TP53BP2: variants seen among roughly 807,000 people sequenced by gnomAD.
TP53BP2 encodes tumor protein p53 binding protein 2, also known as apoptosis-stimulating of p53 protein 2.
TP53BP2 carries 62 observed loss-of-function variants against 126.2 expected under a neutral mutation model. The ratio of observed to expected loss-of-function variants is 0.49; its 90% CI spans 0.40 to 0.61. The LOEUF is 0.61. Among genes scored for constraint, TP53BP2 ranks in the 20% least tolerant of loss-of-function variants. The pLI, the probability that TP53BP2 is intolerant of heterozygous loss-of-function variation, is 0.00. For synonymous variants in TP53BP2, 485 were observed against 502.9 expected (o/e 0.96, Z 0.48); for missense variants, 1,215 against 1,402.8 (o/e 0.87, Z 2.14).
chr1:223,783,240 G>C (rs1239531029), intron 17 of TP53BP2, among the ~76,000 whole-genome samples: 3 of 152,166 alleles, frequency 2.0e-5, no homozygotes, highest in African/African-American at 7.2e-5. Flanking sequence ...TGGGAGGCAG[G>C]ATTCTCCAGC....
intron 2 of TP53BP2, among the ~76,000 whole-genome samples, chr1:223,815,339 A>G (rs1193259350): frequency 6.6e-6 from 1 of 152,188 alleles, no homozygotes; most frequent in Non-Finnish European, 1.5e-5. Flanking sequence ...TAACATACTG[A>G]GTTGACATAG....
chr1:223,814,600 C>A (rs902086065), intron 2 of TP53BP2, among the ~76,000 whole-genome samples: 1 of 152,192 alleles, frequency 6.6e-6, no homozygotes. Flanking sequence ...AGGAGCTCAG[C>A]AGTCTAAATC....
chr1:223,789,994 A>G (rs1175969131), intron 15 of TP53BP2, among the ~76,000 whole-genome samples: 1 of 152,102 alleles, frequency 6.6e-6, no homozygotes, highest in African/African-American at 2.4e-5. Context: ...ACTTGAAAAA[A>G]AAATTTAGAC....
At chr1:223,798,745 C>T in intron 11 of TP53BP2, 68 bp from the exon 12 acceptor site, 1 of 1,279,778 alleles carries the variant, frequency 7.8e-7, no homozygotes, top group South Asian at 1.4e-5. Context: ...TTCTAGATAA[C>T]CTAATTTCAC....
Position 223,845,676 on chromosome 1 carries a change from C to T in TP53BP2, c.5G>A (p.Arg2Gln). 6.5e-7 allele frequency: 1 copy of T among 1,549,062 alleles called. No individual in the cohort carries two copies. MRFGSKMMPMFL... is the reference protein window; with the variant it reads MQFGSKMMPMFL... ...TACCGGCATCATCTTGGACCCGAAC[C>T]GCATGGAAGCGGGTGGCCAGACTGC... The change falls in exon 1 of 18, where the codon CGG becomes CAG. Residue 2 changes from arginine (R) to glutamine (Q), a missense_variant. By Grantham distance (43) the Arg-to-Gln change is conservative. Coordinates refer to ENST00000343537, the MANE Select transcript of TP53BP2 (RefSeq NM_001031685.3).
Position 223,789,140 on chromosome 1 carries a change from C to T in TP53BP2, c.3031G>A (p.Val1011Ile), listed in dbSNP as rs1329437700. Residue 1011 changes from valine to isoleucine, a missense_variant, in exon 16 of 18, where the codon GTC (valine) becomes ATC (isoleucine). Physicochemically the swap from Val to Ile is conservative, Grantham distance 29. This residue lies in a region of TP53BP2 where 151 missense variants were observed against 231.2 expected (regional missense o/e 0.65). Transcript: ENST00000343537. ...TCCACCAAAAACTTACACACTTGGA[C>T]GTTGTTACATGAGGCAGCACAATGT... ...PLHCAASCNN[V>I]QVCKFLVESG... The T allele has an allele frequency of 6.2e-6, 10 of 1,613,990 alleles. No homozygotes were observed. Among genetic ancestry groups the T allele is most frequent in the South Asian group, 2.2e-5 (2 of 91,082 alleles).
chr1:223,823,118 T>C (rs1663370617), intron 1 of TP53BP2, among the ~76,000 whole-genome samples: 1 of 152,100 alleles, frequency 6.6e-6, no homozygotes, highest in Non-Finnish European at 1.5e-5. Context: ...AAAAGCAGAA[T>C]AAGTAGGATA....
intron 2 of TP53BP2, among the ~76,000 whole-genome samples, chr1:223,818,577 A>T (rs28604925): frequency 1.3e-3 from 187 of 146,144 alleles, no homozygotes; most frequent in African/African-American, 2.0e-3. Context: ...TTAAAAAAAA[A>T]TTTTTTTTTT....
At chr1:223,795,784 G>A (rs748358636) in intron 13 of TP53BP2, 31 bp downstream of exon 13, 34 of 1,410,120 alleles carry the variant, frequency 2.4e-5, no homozygotes, top group Admixed American at 5.0e-5. Context: ...AAAGGACTCC[G>A]GAAAAGGCTA....
chr1:223,833,156 T>C (rs544542436), intron 1 of TP53BP2, among the ~76,000 whole-genome samples: 8 of 152,174 alleles, frequency 5.3e-5, no homozygotes, highest in Non-Finnish European at 1.0e-4. Context: ...CCAATTACCA[T>C]AAGTTATGTA....
rs776428652 is a variant in TP53BP2 at position 223,804,264 on chromosome 1, C to T, written c.559G>A (p.Glu187Lys). The T allele has an allele frequency of 6.2e-7, 1 of 1,614,102 alleles. No homozygotes were observed. The highest frequency in any genetic ancestry group is 8.5e-7 in the Non-Finnish European group (1 of 1,180,012). Residue 187 changes from glutamate to lysine, a missense_variant, in exon 6 of 18, where the codon GAA (glutamate) becomes AAA (lysine). Coordinates refer to ENST00000343537, the MANE Select transcript of TP53BP2 (RefSeq NM_001031685.3). ...TTAGCTTCCTGATTCTCAGCTATTTCTTTTAGCCTTTTAAGTTTCTCCTGC... is the reference window on the plus strand; with the variant it reads ...TTAGCTTCCTGATTCTCAGCTATTTTTTTTAGCCTTTTAAGTTTCTCCTGC... Reference protein sequence around the residue: ...AEQEKLKRLKEIAENQEAKLK... With the variant: ...AEQEKLKRLKKIAENQEAKLK...
intron 16 of TP53BP2, among the ~76,000 whole-genome samples, chr1:223,786,560 ATGTGTGTG>A (rs752458486): frequency 2.8e-5 from 4 of 145,430 alleles, no homozygotes; most frequent in Non-Finnish European, 4.5e-5. Context: ...CATTATATAT[ATGTGTGTG>A]TGTGCGTGTG....
At chr1:223,838,552 C>G (rs922929995) in intron 1 of TP53BP2, among the ~76,000 whole-genome samples, 1 of 152,244 alleles carries the variant, frequency 6.6e-6, no homozygotes, top group African/African-American at 2.4e-5. Context: ...CTGGAAATGG[C>G]TGAATGTCAC....
intron 17 of TP53BP2, among the ~76,000 whole-genome samples, chr1:223,783,879 AG>A (rs1478043976): frequency 6.6e-6 from 1 of 152,202 alleles, no homozygotes; most frequent in Non-Finnish European, 1.5e-5. Flanking sequence ...AGTTATCTTT[AG>A]TCTGTTTATA....
chr1:223,840,687 T>C (rs57380389), intron 1 of TP53BP2, among the ~76,000 whole-genome samples: 5,844 of 149,232 alleles, frequency 0.039, 366 homozygotes, highest in African/African-American at 0.14. Flanking sequence ...AAAGAAAGTT[T>C]TGTTTTATTG....
chr1:223,826,151 G>A (rs1663488502), intron 1 of TP53BP2: 1 of 152,238 alleles, frequency 6.6e-6, no homozygotes, highest in Non-Finnish European at 1.5e-5. Flanking sequence ...AAGGAAACAA[G>A]TTTGTCACAT....
chr1:223,783,439 A>T (rs1243544227), intron 17 of TP53BP2, among the ~76,000 whole-genome samples: 1 of 152,118 alleles, frequency 6.6e-6, no homozygotes, highest in African/African-American at 2.4e-5. Flanking sequence ...TTAAACTTTT[A>T]TCTCAATCTC....
intron 15 of TP53BP2, among the ~76,000 whole-genome samples, chr1:223,790,766 G>C (rs1362229522): frequency 6.6e-6 from 1 of 151,868 alleles, no homozygotes; most frequent in Non-Finnish European, 1.5e-5. Flanking sequence ...AGCGCACCTA[G>C]CTAATTTTTA....
chr1:223,786,000 G>A (rs1202018248), intron 16 of TP53BP2, among the ~76,000 whole-genome samples: 1 of 152,032 alleles, frequency 6.6e-6, no homozygotes, highest in African/African-American at 2.4e-5. Context: ...GGAAAGGAAG[G>A]AGGGAGGGAA....
Sources: allele counts gnomAD v4.1 joint callset (sites outside exome capture counted in the v4.1 genomes callset), GRCh38; gene constraint gnomAD v4.1.1; regional missense constraint gnomAD v4.1.1; transcripts MANE v1.5; gene names NCBI Gene and HGNC (gene_info 2026-07-23, HGNC 2026-07-21).